The following WDR1 variants were observed in gnomAD, a reference collection of about 807,000 sequenced individuals.
The protein encoded by WDR1 is WD repeat domain 1.
In WDR1, 21 loss-of-function variants were observed where a neutral mutation model predicts 71.9. That is an observed-to-expected ratio of 0.29 (90% confidence interval 0.21 to 0.42). WDR1 has a LOEUF of 0.42. WDR1 is among the 10% of genes least tolerant of loss of function. The pLI is 1.00. For missense variants in WDR1, 696 were observed against 824.5 expected, an observed-to-expected ratio of 0.84 and a Z score of 1.91; for synonymous variants, 424 against 347.4, an observed-to-expected ratio of 1.22 and a Z score of -2.45.
rs760938563 is a variant in WDR1, at chr4:10,077,839, C to T, written c.1483G>A (p.Val495Met). 2.5e-5 allele frequency: 41 copies of T among 1,609,438 alleles called. 1 individual carries two copies. The highest frequency in any genetic ancestry group is 3.2e-5 in the Non-Finnish European group (38 of 1,178,086). The change falls in exon 13 of 15, where the codon GTG (valine) becomes ATG (methionine). Residue 495 changes from valine to methionine, a missense_variant. By Grantham distance (21) the Val-to-Met change is conservative. Coordinates refer to ENST00000499869, the MANE Select transcript of WDR1 (RefSeq NM_017491.5). Reference sequence around the variant, plus strand: ...AAGGCGCCGTCGTGGGAGTAGGCCACGTCGGTCACGGGGCCCTTGGCCTCT... The same window carrying T: ...AAGGCGCCGTCGTGGGAGTAGGCCATGTCGGTCACGGGGCCCTTGGCCTCT... ...LLEAKGPVTD[V>M]AYSHDGAFLA...
intron 2 of WDR1, 124 bp downstream of exon 2, chr4:10,115,989 G>C (rs1227774423): frequency 2.2e-6 from 3 of 1,344,964 alleles, no homozygotes; most frequent in Non-Finnish European, 3.0e-6. Flanking sequence ...CCCGGTAGAG[G>C]GGGCGTGGCG....
chr4:10,107,445 C>A (rs776700078), intron 2 of WDR1, among the ~76,000 whole-genome samples: 4 of 152,232 alleles, frequency 2.6e-5, no homozygotes, highest in African/African-American at 9.6e-5. Flanking sequence ...GATTACCTCA[C>A]GGTCCGGCTT....
intron 11 of WDR1, among the ~76,000 whole-genome samples, chr4:10,080,795 A>T (rs1764984776): frequency 6.6e-6 from 1 of 152,220 alleles, no homozygotes. Context: ...CCAGGCCGGG[A>T]AGTCAGGTGC....
chr4:10,111,430 G>A (rs747344889), intron 2 of WDR1, among the ~76,000 whole-genome samples: 10 of 152,200 alleles, frequency 6.6e-5, no homozygotes, highest in Non-Finnish European at 1.3e-4. Flanking sequence ...GCCATCAGGT[G>A]GTCAGACTGA....
intron 2 of WDR1, among the ~76,000 whole-genome samples, chr4:10,110,085 T>G (rs1030787716): frequency 6.8e-6 from 1 of 147,850 alleles, no homozygotes; most frequent in African/African-American, 2.5e-5. Flanking sequence ...TACACTGGAT[T>G]GGACAGTGGG....
At chr4:10,100,562 G>C (rs1207942654) in intron 3 of WDR1, among the ~76,000 whole-genome samples, 1 of 152,224 alleles carries the variant, frequency 6.6e-6, no homozygotes, top group Non-Finnish European at 1.5e-5. Flanking sequence ...ATGCACGTAA[G>C]GACTGTCCTG....
intron 10 of WDR1, among the ~76,000 whole-genome samples, chr4:10,082,265 T>C (rs899364192): frequency 2.0e-5 from 3 of 151,922 alleles, no homozygotes; most frequent in African/African-American, 7.3e-5. Context: ...CTGCTAGGAG[T>C]TGCGTGCTGC....
intron 3 of WDR1, among the ~76,000 whole-genome samples, chr4:10,101,912 G>C (rs964712752): frequency 1.3e-5 from 2 of 152,266 alleles, no homozygotes; most frequent in Admixed American, 6.5e-5. Flanking sequence ...GGCAAGCAGG[G>C]CTTGGGGAAA....
At chr4:10,083,296 T>A in intron 9 of WDR1, 118 bp from the exon 10 acceptor site, 1 of 1,308,844 alleles carries the variant, frequency 7.6e-7, no homozygotes, top group Non-Finnish European at 1.0e-6. Flanking sequence ...CAAACGGACA[T>A]AACCATTCCC....
intron 11 of WDR1, among the ~76,000 whole-genome samples, chr4:10,080,367 C>T (rs1312454770): frequency 6.6e-6 from 1 of 151,886 alleles, no homozygotes; most frequent in African/African-American, 2.4e-5. Context: ...CACCTGCCAG[C>T]CTTCTAGAAC....
intron 5 of WDR1, among the ~76,000 whole-genome samples, chr4:10,091,241 T>A (rs10020453): frequency 6.6e-6 from 1 of 152,256 alleles, no homozygotes; most frequent in Admixed American, 6.5e-5. Context: ...CTTCTTTAGT[T>A]CCTTTTGTAC....
Position 10,075,251 on chromosome 4 carries a change from G to A in WDR1, c.*127C>T. 1.3e-6 allele frequency: 1 copy of A among 752,592 alleles called. No individual in the cohort carries two copies. The highest frequency in any genetic ancestry group is 1.6e-5 in the South Asian group (1 of 60,934). 46.6% of individuals were successfully genotyped at this position (752,592 alleles called of 1,614,324 possible). ...CTGCAGAGACGAGGGTCATGACTGGGCCCTCCTGCCTCTTGTGGTGGGGTG... is the reference window on the plus strand; with the variant it reads ...CTGCAGAGACGAGGGTCATGACTGGACCCTCCTGCCTCTTGTGGTGGGGTG... On this transcript the variant is annotated 3_prime_UTR_variant, in exon 15 of 15. Transcript: ENST00000499869.
Position 10,092,526 on chromosome 4 carries a change from C to T in WDR1, c.559-3785G>A, listed in dbSNP as rs2109665761. On this transcript the variant is annotated intron_variant, in intron 5 of 14. Transcript: ENST00000499869. Reference sequence around the variant, plus strand: ...GCAGGGTGGTGTCATGTGTCCCTCCCTGGCCCCAGAACCCAGCAGGGGCAA... The same window carrying T: ...GCAGGGTGGTGTCATGTGTCCCTCCTTGGCCCCAGAACCCAGCAGGGGCAA... 3.8e-5 allele frequency: 6 copies of T among 157,280 alleles called. No homozygotes were observed. In the South Asian group the frequency reaches 5.6e-4, roughly 15 times the overall value. 9.7% of individuals were successfully genotyped at this position (157,280 alleles called of 1,614,324 possible).
At chr4:10,114,309 C>A (rs140439553) in intron 2 of WDR1, among the ~76,000 whole-genome samples, 10 of 152,348 alleles carry the variant, frequency 6.6e-5, no homozygotes, top group Admixed American at 6.5e-4. Flanking sequence ...GAATGGGTTT[C>A]ACAAGCTGGG....
chr4:10,107,170 C>T (rs908858251), intron 2 of WDR1, among the ~76,000 whole-genome samples: 1 of 152,136 alleles, frequency 6.6e-6, no homozygotes, highest in Non-Finnish European at 1.5e-5. Flanking sequence ...CCATGAGCAG[C>T]CTTGGAGTTG....
At chr4:10,116,452 G>A in intron 1 of WDR1, 199 bp downstream of exon 1, 1 of 796,286 alleles carries the variant, frequency 1.3e-6, no homozygotes, top group Non-Finnish European at 1.8e-6. Flanking sequence ...CTCGGCCCAC[G>A]GCGCCAACTT....
intron 5 of WDR1, among the ~76,000 whole-genome samples, chr4:10,097,503 C>A (rs1272807494): frequency 6.6e-6 from 1 of 152,246 alleles, no homozygotes; most frequent in Admixed American, 6.5e-5. Context: ...CTTGTGGGAA[C>A]CATCCATGCC....
intron 5 of WDR1, among the ~76,000 whole-genome samples, chr4:10,090,035 G>A (rs1391405468): frequency 1.3e-5 from 2 of 152,146 alleles, no homozygotes; most frequent in African/African-American, 4.8e-5. Flanking sequence ...ACAGAGTTGG[G>A]GTGAAGCTGG....
In WDR1 at chr4:10,083,311, G is replaced by A. The variant is rs1402478203; in HGVS notation, c.1040-133C>T. ...CAAACGGACATAACCATTCCCCCTGGGAAGCCTGCAGTGTCCACTGTTGAC... is the reference window on the plus strand; with the variant it reads ...CAAACGGACATAACCATTCCCCCTGAGAAGCCTGCAGTGTCCACTGTTGAC... On this transcript the variant is annotated intron_variant, in intron 9 of 14. Coordinates refer to ENST00000499869, the MANE Select transcript of WDR1 (RefSeq NM_017491.5). 5 of 1,200,394 alleles carry A rather than the reference G, an allele frequency of 4.2e-6. No individual in the cohort carries two copies. The African/African-American group carries it at 6.1e-5, about 15-fold the overall frequency. 74.4% of individuals were successfully genotyped at this position (1,200,394 alleles called of 1,614,324 possible). A position where few individuals can be genotyped will look rare whatever the true frequency, so the allele number is the denominator to read the frequency against.
Sources: allele counts gnomAD v4.1 joint callset (sites outside exome capture counted in the v4.1 genomes callset), GRCh38; gene constraint gnomAD v4.1.1; transcripts MANE v1.5; gene names NCBI Gene and HGNC (gene_info 2026-07-23, HGNC 2026-07-21).